LRBA: variants seen among roughly 807,000 people sequenced by gnomAD.
LRBA encodes the protein LPS responsive beige-like anchor protein.
In LRBA, 176 loss-of-function variants were observed where a neutral mutation model predicts 330.0. The observed-to-expected ratio is 0.53, with a 90% CI of 0.47 to 0.60. The LOEUF is 0.60. Ranked by LOEUF, LRBA falls within the 20% of genes least tolerant of loss-of-function variation. The pLI is 0.00. For missense variants in LRBA, 3,259 were observed against 3,444.8 expected (o/e 0.95, Z 1.35); for synonymous variants, 1,230 against 1,193.0 (o/e 1.03, Z -0.64).
chr4:150,444,879 T>C (rs527677010), intron 44 of LRBA, among the ~76,000 whole-genome samples: 1 of 152,326 alleles, frequency 6.6e-6, no homozygotes, highest in East Asian at 1.9e-4. Flanking sequence ...AGTTCTATGT[T>C]ATTCAGCTAC....
At chr4:150,440,196 TA>T in intron 44 of LRBA, among the ~76,000 whole-genome samples, 1 of 152,234 alleles carries the variant, frequency 6.6e-6, no homozygotes, top group South Asian at 2.1e-4. Flanking sequence ...TACTGGCCAT[TA>T]AAAATGGTCA....
At chr4:150,772,884 T>A (rs1208355174) in intron 34 of LRBA, among the ~76,000 whole-genome samples, 3 of 152,116 alleles carry the variant, frequency 2.0e-5, no homozygotes, top group Non-Finnish European at 4.4e-5. Flanking sequence ...CAGAGTAACA[T>A]ATCCAAATGA....
At chr4:150,387,921 T>C (rs1257717610) in intron 47 of LRBA, among the ~76,000 whole-genome samples, 3 of 152,186 alleles carry the variant, frequency 2.0e-5, no homozygotes, top group Non-Finnish European at 4.4e-5. Context: ...AGAGTGATGA[T>C]ACATAGAAAG....
chr4:150,976,706 C>T (rs943045521), intron 2 of LRBA, among the ~76,000 whole-genome samples: 3 of 152,124 alleles, frequency 2.0e-5, no homozygotes, highest in East Asian at 1.9e-4. Context: ...GCAATCACTT[C>T]GTATCACAGA....
chr4:150,926,898 C>T (rs1148644), intron 4 of LRBA, among the ~76,000 whole-genome samples: 15,112 of 151,496 alleles, frequency 0.1, 1,004 homozygotes, highest in South Asian at 0.26. Context: ...CTGTGAAACC[C>T]TGTCTCTACT....
At chr4:150,739,148 T>C (rs1394836398) in intron 35 of LRBA, among the ~76,000 whole-genome samples, 1 of 152,044 alleles carries the variant, frequency 6.6e-6, no homozygotes, top group African/African-American at 2.4e-5. Flanking sequence ...CCTGTTAAAT[T>C]AATAAAAGGA....
At chr4:150,816,234 C>T (rs1357135777) in intron 31 of LRBA, among the ~76,000 whole-genome samples, 1 of 152,052 alleles carries the variant, frequency 6.6e-6, no homozygotes, top group Non-Finnish European at 1.5e-5. Context: ...ATCCACCAGG[C>T]CATTCCTTCA....
chr4:150,739,491 C>T (rs1731653897), intron 35 of LRBA, among the ~76,000 whole-genome samples: 1 of 152,138 alleles, frequency 6.6e-6, no homozygotes, highest in Admixed American at 6.6e-5. Context: ...GCAAGAAGCT[C>T]TAAGCTGACC....
intron 37 of LRBA, among the ~76,000 whole-genome samples, chr4:150,609,312 T>C (rs1400813211): frequency 1.3e-5 from 2 of 152,180 alleles, no homozygotes; most frequent in Non-Finnish European, 2.9e-5. Context: ...TTCTATTCAG[T>C]GGTTGAGACA....
intron 22 of LRBA, among the ~76,000 whole-genome samples, chr4:150,864,485 T>G (rs550885417): frequency 6.6e-6 from 1 of 152,112 alleles, no homozygotes; most frequent in Non-Finnish European, 1.5e-5. Context: ...AAGTTTGGCT[T>G]CATAGAAGAC....
chr4:150,652,791 C>G (rs1394765996), intron 37 of LRBA, among the ~76,000 whole-genome samples: 2 of 152,114 alleles, frequency 1.3e-5, no homozygotes, highest in Non-Finnish European at 2.9e-5. Flanking sequence ...CATGTGGCAA[C>G]CATACTAGAC....
chr4:150,508,066 C>T lies in LRBA; in HGVS notation c.6331-17031G>A, dbSNP rs1471623118. ...ACACAGGAAGGGGAACATCACAAAC[C>T]GGGGACTGTTGTGGGGTGGGGGGAG... On this transcript the variant is annotated intron_variant, in intron 40 of 56. Transcript: ENST00000651943. Among the ~76,000 whole-genome samples, 7 of 98,178 alleles carry T rather than the reference C, an allele frequency of 7.1e-5. No individual in the cohort carries two copies. In the Admixed American group the frequency reaches 8.9e-4, roughly 13 times the overall value. 64.4% of individuals were successfully genotyped at this position (98,178 alleles called of 152,430 possible). A position where few individuals can be genotyped will look rare whatever the true frequency, so the allele number is the denominator to read the frequency against.
chr4:150,313,944 A>G (rs932278176), intron 51 of LRBA, among the ~76,000 whole-genome samples: 1 of 151,684 alleles, frequency 6.6e-6, no homozygotes, highest in Non-Finnish European at 1.5e-5. Flanking sequence ...GTGACCTGTC[A>G]CATGAGGTCA....
intron 40 of LRBA, among the ~76,000 whole-genome samples, chr4:150,551,705 C>A (rs1282346046): frequency 2.6e-5 from 4 of 151,830 alleles, no homozygotes; most frequent in African/African-American, 7.3e-5. Flanking sequence ...TAGGAATACA[C>A]CCTGATTGAA....
chr4:150,307,761 G>GA (rs1221057748), intron 52 of LRBA, among the ~76,000 whole-genome samples: 3 of 151,364 alleles, frequency 2.0e-5, no homozygotes, highest in East Asian at 3.9e-4. Context: ...AAAATAGGCA[G>GA]AAAAAAAAGA....
At chr4:150,437,520 T>TA (rs1262859639) in intron 44 of LRBA, among the ~76,000 whole-genome samples, 21 of 142,624 alleles carry the variant, frequency 1.5e-4, no homozygotes, top group Middle Eastern at 3.7e-3. Flanking sequence ...TATATATATA[T>TA]TATAAAATTA....
At chr4:150,505,466 G>T (rs1225775044) in intron 40 of LRBA, among the ~76,000 whole-genome samples, 2 of 152,150 alleles carry the variant, frequency 1.3e-5, no homozygotes, top group African/African-American at 2.4e-5. Context: ...TGAACAACCT[G>T]CTCCTGAATG....
chr4:150,948,862 A>G (rs1033039816), intron 2 of LRBA, among the ~76,000 whole-genome samples: 1 of 152,002 alleles, frequency 6.6e-6, no homozygotes, highest in African/African-American at 2.4e-5. Context: ...TTAGGCATTA[A>G]AGAAATGCAA....
intron 40 of LRBA, chr4:150,579,284 A>T (rs1173015799): frequency 1.8e-5 from 8 of 456,374 alleles, no homozygotes; most frequent in Non-Finnish European, 3.5e-5. Flanking sequence ...TTCCCCCTTC[A>T]ATTATTCAAC....
Sources: allele counts gnomAD v4.1 joint callset (sites outside exome capture counted in the v4.1 genomes callset), GRCh38; gene constraint gnomAD v4.1.1; transcripts MANE v1.5; gene names NCBI Gene and HGNC (gene_info 2026-07-23, HGNC 2026-07-21).